Variants in PUM1 observed in about 807,000 individuals in gnomAD.
PUM1 encodes pumilio homolog 1.
A neutral mutation model predicts 131.8 loss-of-function variants in PUM1; 13 were observed. The ratio of observed to expected loss-of-function variants is 0.10; its 90% CI spans 0.06 to 0.16. The LOEUF is 0.16. Ranked by LOEUF, PUM1 falls within the 10% of genes least tolerant of loss-of-function variation. PUM1 has a pLI of 1.00. For synonymous variants in PUM1, 509 were observed against 556.5 expected (o/e 0.91, Z 1.20); for missense variants, 961 against 1,512.4 (o/e 0.64, Z 6.05).
chr1:31,063,649 A>C (rs1644414923), intron 1 of PUM1, among the ~76,000 whole-genome samples: 1 of 152,236 alleles, frequency 6.6e-6, no homozygotes, highest in South Asian at 2.1e-4. Context: ...TTATCTAACA[A>C]AGAATATCCA....
At chr1:30,965,011 C>A (rs975027917) in intron 13 of PUM1, 101 bp from the exon 14 acceptor site, 1 of 930,036 alleles carries the variant, frequency 1.1e-6, no homozygotes, top group Non-Finnish European at 1.7e-6. Flanking sequence ...TCCTTACCAC[C>A]GCAAATTTGT....
intron 21 of PUM1, among the ~76,000 whole-genome samples, chr1:30,933,888 C>T (rs1040032211): frequency 1.3e-5 from 2 of 152,176 alleles, no homozygotes; most frequent in Non-Finnish European, 2.9e-5. Flanking sequence ...ACATCATGAG[C>T]TGGTGTGATT....
At chr1:30,949,684 G>T (rs897244969) in intron 17 of PUM1, among the ~76,000 whole-genome samples, 1 of 152,122 alleles carries the variant, frequency 6.6e-6, no homozygotes, top group African/African-American at 2.4e-5. Flanking sequence ...TGGGCTTCAG[G>T]TCAATGTACC....
chr1:31,061,670 A>C (rs1246787899), intron 1 of PUM1: 2 of 151,672 alleles, frequency 1.3e-5, no homozygotes, highest in South Asian at 4.2e-4. Context: ...TACAAACCAG[A>C]AGCCTCAGTT....
chr1:31,022,793 CA>C (rs1474703626), intron 3 of PUM1, among the ~76,000 whole-genome samples: 1 of 152,128 alleles, frequency 6.6e-6, no homozygotes, highest in Non-Finnish European at 1.5e-5. Flanking sequence ...ATAAACATTT[CA>C]AGAACAAGAT....
At chr1:31,062,600 A>T (rs1644393952) in intron 1 of PUM1, among the ~76,000 whole-genome samples, 1 of 144,314 alleles carries the variant, frequency 6.9e-6, no homozygotes, top group African/African-American at 2.7e-5. Context: ...AGCCTGGACG[A>T]CAGAGTGAGA....
chr1:30,972,941 G>C (rs1283120793), intron 10 of PUM1: 1 of 152,888 alleles, frequency 6.5e-6, no homozygotes, highest in Non-Finnish European at 1.5e-5. Context: ...TTAGCCAGGC[G>C]TGGTGGTGGG....
intron 2 of PUM1, among the ~76,000 whole-genome samples, chr1:31,058,615 T>C (rs964802237): frequency 6.9e-6 from 1 of 144,970 alleles, no homozygotes; most frequent in Admixed American, 7.2e-5. Context: ...TGAGCAGAGA[T>C]CGCGCCAGTG....
chr1:30,958,831 A>G (rs1258314304), intron 14 of PUM1, among the ~76,000 whole-genome samples: 1 of 152,210 alleles, frequency 6.6e-6, no homozygotes, highest in Non-Finnish European at 1.5e-5. Flanking sequence ...ATACTGTTAA[A>G]TTGAGACATG....
intron 8 of PUM1, among the ~76,000 whole-genome samples, chr1:30,980,958 A>C (rs1473904947): frequency 6.6e-6 from 1 of 152,248 alleles, no homozygotes; most frequent in South Asian, 2.1e-4. Flanking sequence ...ACAAAATAAG[A>C]AGCTGATATA....
intron 3 of PUM1, among the ~76,000 whole-genome samples, chr1:31,019,219 G>T (rs1265305071): frequency 6.6e-6 from 1 of 152,150 alleles, no homozygotes; most frequent in Non-Finnish European, 1.5e-5. Context: ...AGGTGTGGTG[G>T]CAGGCACCTG....
chr1:30,959,232 C>G, intron 14 of PUM1, among the ~76,000 whole-genome samples: 1 of 152,154 alleles, frequency 6.6e-6, no homozygotes, highest in Non-Finnish European at 1.5e-5. Context: ...CAAACTCTTC[C>G]AGAAAACAGA....
chr1:30,945,386 G>A lies in PUM1; in HGVS notation c.2954C>T (p.Pro985Leu). 6.2e-7 allele frequency: 1 copy of A among 1,614,124 alleles called. No homozygotes were observed. Among genetic ancestry groups the A allele is most frequent in the Non-Finnish European group, 8.5e-7 (1 of 1,180,026 alleles). Reference sequence around the variant, plus strand: ...ATCGATGATAAATTGCAAAGACTGGGGCTGTACACATTCAATGCATTTCTG... The same window carrying A: ...ATCGATGATAAATTGCAAAGACTGGAGCTGTACACATTCAATGCATTTCTG... ...VVQKCIECVQ[P>L]QSLQFIIDAF... The change falls in exon 18 of 22, where the codon CCC becomes CTC. Residue 985 changes from proline to leucine, a missense_variant. Transcript: ENST00000426105.
rs1638996687 is a variant in PUM1, at chr1:30,932,341, T to A, written c.*870A>T. On this transcript the variant is annotated 3_prime_UTR_variant, in exon 22 of 22. Transcript: ENST00000426105. ...AGAAAATACTACAAATTTGTATATATGCAAAGTCTACACCAAGTATACACT... is the reference window on the plus strand; with the variant it reads ...AGAAAATACTACAAATTTGTATATAAGCAAAGTCTACACCAAGTATACACT... The A allele has an allele frequency of 6.6e-6, 1 of 152,426 alleles. No individual in the cohort carries two copies. Among genetic ancestry groups the A allele is most frequent in the African/African-American group, 2.4e-5 (1 of 41,418 alleles). 9.4% of individuals were successfully genotyped at this position (152,426 alleles called of 1,614,324 possible).
rs367692617 is a variant in PUM1, at chr1:30,972,935, C to A, written c.1506+1716G>T. 1.2e-4 allele frequency: 18 copies of A among 152,766 alleles called. 1 individual carries two copies. The South Asian group carries it at 3.7e-3, about 31-fold the overall frequency. 9.5% of individuals were successfully genotyped at this position (152,766 alleles called of 1,614,324 possible). ...TCTCTACTAAAAAGACAAAAATTAG[C>A]CAGGCGTGGTGGTGGGGGCCTGTAA... is the stretch of plus-strand genomic sequence containing the variant. On this transcript the variant is annotated intron_variant, in intron 10 of 21. Coordinates refer to ENST00000426105, the MANE Select transcript of PUM1 (RefSeq NM_001020658.2).
intron 3 of PUM1, among the ~76,000 whole-genome samples, chr1:31,009,183 CAAA>C (rs946077936): frequency 1.5e-5 from 2 of 131,298 alleles, no homozygotes; most frequent in Non-Finnish European, 3.3e-5. Context: ...ACTCCATCTT[CAAA>C]AAAAAAAAAA....
intron 21 of PUM1, 86 bp from the exon 22 acceptor site, chr1:30,933,428 TCACACACACATACACACACACACACACA>T (rs1639041613): frequency 7.4e-6 from 7 of 950,654 alleles, no homozygotes; most frequent in Non-Finnish European, 7.8e-6. Context: ...ATGTCATGCA[TCACACACACATACACACACACACACACA>T]CACACACACA....
At chr1:31,046,436 A>T (rs1468235199) in intron 2 of PUM1, among the ~76,000 whole-genome samples, 3 of 152,074 alleles carry the variant, frequency 2.0e-5, no homozygotes, top group Non-Finnish European at 2.9e-5. Context: ...TTACACAAAA[A>T]ACATGAAGCG....
intron 18 of PUM1, among the ~76,000 whole-genome samples, chr1:30,943,233 G>C (rs529201435): frequency 5.5e-4 from 83 of 151,744 alleles, no homozygotes; most frequent in African/African-American, 1.7e-3. Context: ...GTGAGTTTCT[G>C]TAGTTTATTC....
Sources: allele counts gnomAD v4.1 joint callset (sites outside exome capture counted in the v4.1 genomes callset), GRCh38; gene constraint gnomAD v4.1.1; transcripts MANE v1.5; gene names NCBI Gene and HGNC (gene_info 2026-07-23, HGNC 2026-07-21).